Variants in EMSY observed in about 807,000 individuals in gnomAD.
EMSY encodes EMSY transcriptional repressor, BRCA2 interacting.
Under a neutral mutation model 134.6 loss-of-function variants are expected in EMSY, and 26 were observed. That is an observed-to-expected ratio of 0.19 (90% CI 0.14 to 0.27). The LOEUF is 0.27. Ranked by LOEUF, EMSY falls within the 10% of genes least tolerant of loss-of-function variation. The pLI is 1.00. For synonymous variants in EMSY, 579 were observed against 577.8 expected (o/e 1.00, Z -0.03); for missense variants, 1,305 against 1,611.4 (o/e 0.81, Z 3.26).
At chr11:76,514,963 A>G (rs1950397644) in intron 10 of EMSY, among the ~76,000 whole-genome samples, 1 of 152,094 alleles carries the variant, frequency 6.6e-6, no homozygotes, top group African/African-American at 2.4e-5. Context: ...GTGTTATAAT[A>G]AGTGTTTCTT....
chr11:76,484,185 A>G (rs1424645488), intron 8 of EMSY, among the ~76,000 whole-genome samples: 1 of 152,274 alleles, frequency 6.6e-6, no homozygotes, highest in East Asian at 1.9e-4. Context: ...GAAATAAATA[A>G]CTTCTTTGAA....
chr11:76,463,054 G>A (rs1336258724), intron 6 of EMSY, among the ~76,000 whole-genome samples: 4 of 152,216 alleles, frequency 2.6e-5, no homozygotes, highest in Non-Finnish European at 2.9e-5. Flanking sequence ...GGTGGCTCAC[G>A]CCTGTAATCC....
chr11:76,520,529 T>C (rs912553065), intron 11 of EMSY, among the ~76,000 whole-genome samples: 8 of 152,168 alleles, frequency 5.3e-5, no homozygotes, highest in Non-Finnish European at 1.0e-4. Context: ...AAGTGAATCA[T>C]GGGCAGCTTG....
intron 8 of EMSY, among the ~76,000 whole-genome samples, chr11:76,475,843 C>T (rs1290099100): frequency 6.6e-6 from 1 of 152,116 alleles, no homozygotes; most frequent in Non-Finnish European, 1.5e-5. Flanking sequence ...TGTTTTAGGG[C>T]TGATGTATCT....
At chr11:76,447,073 A>C in intron 2 of EMSY, 65 bp downstream of exon 2, 1 of 1,489,478 alleles carries the variant, frequency 6.7e-7, no homozygotes, top group South Asian at 1.2e-5. Flanking sequence ...TGCCTAGGTC[A>C]TAGCTGTTTG....
intron 10 of EMSY, among the ~76,000 whole-genome samples, chr11:76,514,513 G>C (rs577165783): frequency 7.9e-5 from 12 of 152,238 alleles, no homozygotes; most frequent in Middle Eastern, 6.8e-3. Flanking sequence ...CCAAGGTCAT[G>C]TAGCCAAAAA....
intron 7 of EMSY, among the ~76,000 whole-genome samples, chr11:76,469,610 A>G (rs1948494671): frequency 6.6e-6 from 1 of 152,244 alleles, no homozygotes; most frequent in South Asian, 2.1e-4. Flanking sequence ...ACTGCCAAAT[A>G]TTGACAACCT....
intron 14 of EMSY, among the ~76,000 whole-genome samples, chr11:76,529,520 G>C (rs2076533639): frequency 6.6e-6 from 1 of 152,052 alleles, no homozygotes; most frequent in South Asian, 2.1e-4. Context: ...CTACAGAAGA[G>C]TACAATATAG....
intron 7 of EMSY, among the ~76,000 whole-genome samples, chr11:76,464,524 T>C (rs1948272695): frequency 6.6e-6 from 1 of 152,230 alleles, no homozygotes; most frequent in Non-Finnish European, 1.5e-5. Context: ...TTAAATTCTT[T>C]GTATGCTGTT....
At chr11:76,517,194 T>G (rs1368447401) in intron 11 of EMSY, among the ~76,000 whole-genome samples, 1 of 152,102 alleles carries the variant, frequency 6.6e-6, no homozygotes, top group Admixed American at 6.5e-5. Flanking sequence ...AATTTGATGT[T>G]GCTGATAACT....
At chr11:76,493,339 A>G (rs1479859195) in intron 8 of EMSY, among the ~76,000 whole-genome samples, 3 of 152,244 alleles carry the variant, frequency 2.0e-5, no homozygotes, top group African/African-American at 7.2e-5. Context: ...CCTTCCCCGA[A>G]CAGCCTGGGC....
rs202177967 is a variant in EMSY at position 76,466,486 on chromosome 11, T to TA, written c.831+2415dup. On this transcript the variant is annotated intron_variant, in intron 7 of 20. Coordinates refer to ENST00000334736, the Ensembl canonical transcript of EMSY. The stretch of plus-strand genomic sequence containing the variant: ...ATAGGTTTATGTGCCTTTTCCCTTT[T>TA]AAAAAAAAATCCCTTCATGCTGTTT... Among the ~76,000 whole-genome samples, 1,488 of 151,746 alleles carry TA rather than the reference T, an allele frequency of 9.8e-3. 25 individuals are homozygous for TA. Among genetic ancestry groups the TA allele is most frequent in the East Asian group, 0.059 (305 of 5,182 alleles).
At chr11:76,503,433 A>G (rs1459380335) in intron 9 of EMSY, among the ~76,000 whole-genome samples, 1 of 152,152 alleles carries the variant, frequency 6.6e-6, no homozygotes, top group Non-Finnish European at 1.5e-5. Context: ...AATGGAACAG[A>G]ATTGAAAGTC....
At chr11:76,530,214 C>T (rs1274942620) in intron 14 of EMSY, among the ~76,000 whole-genome samples, 3 of 134,704 alleles carry the variant, frequency 2.2e-5, no homozygotes, top group African/African-American at 8.8e-5. Flanking sequence ...GACTAGAGTG[C>T]AGTGGCGTGA....
At chr11:76,546,262 A>G (rs1591033273) in exon 20 of EMSY, 1 of 1,613,562 alleles carries the variant, frequency 6.2e-7, no homozygotes, top group South Asian at 1.1e-5. Context: ...AGGCCAAAAG[A>G]AAGCTGAAGA....
intron 10 of EMSY, among the ~76,000 whole-genome samples, chr11:76,515,792 A>C (rs569960663): frequency 1.3e-5 from 2 of 152,340 alleles, no homozygotes; most frequent in African/African-American, 4.8e-5. Flanking sequence ...AATATCTAAA[A>C]TACTCTGGCA....
intron 15 of EMSY, 92 bp from the exon 17 acceptor site, chr11:76,537,703 C>T (rs1407480329): frequency 8.4e-7 from 1 of 1,184,328 alleles, no homozygotes; most frequent in Non-Finnish European, 1.2e-6. Context: ...GTGTGGCACC[C>T]CAGAGGTCTG....
At chr11:76,472,521 A>G (rs1298648713) in intron 7 of EMSY, 43 bp from the exon 9 acceptor site, 6 of 1,538,592 alleles carry the variant, frequency 3.9e-6, no homozygotes, top group Non-Finnish European at 5.4e-6. Context: ...ATACATTAGT[A>G]GTTTAGTAGG....
chr11:76,468,627 T>C (rs1948453068), intron 7 of EMSY, among the ~76,000 whole-genome samples: 1 of 152,220 alleles, frequency 6.6e-6, no homozygotes, highest in Admixed American at 6.5e-5. Context: ...TTAGGAATTA[T>C]TGTAGGTGAA....
Sources: allele counts gnomAD v4.1 joint callset (sites outside exome capture counted in the v4.1 genomes callset), GRCh38; gene constraint gnomAD v4.1.1; transcripts MANE v1.5; gene names NCBI Gene and HGNC (gene_info 2026-07-23, HGNC 2026-07-21).